The following GIMAP8 variants were observed in gnomAD, a reference collection of about 807,000 sequenced individuals.
GIMAP8 encodes the protein GTPase IMAP family member 8.
GIMAP8 carries 29 observed loss-of-function variants against 35.6 expected under a neutral mutation model. The observed-to-expected ratio is 0.81, with a 90% CI of 0.61 to 1.11. The LOEUF (loss-of-function observed/expected upper bound fraction) is 1.11, where lower values mean the gene tolerates loss of function less well. Ranked by LOEUF, GIMAP8 falls within the 50% of genes most tolerant of loss-of-function variation. The pLI, the probability that GIMAP8 is intolerant of heterozygous loss-of-function variation, is 0.00. For synonymous variants in GIMAP8, 335 were observed against 308.7 expected (o/e 1.09, Z -0.89); for missense variants, 811 against 805.0 (o/e 1.01, Z -0.09).
At chr7:150,475,417 C>T (rs921064455) in intron 4 of GIMAP8, among the ~76,000 whole-genome samples, 12 of 152,148 alleles carry the variant, frequency 7.9e-5, no homozygotes, top group African/African-American at 1.7e-4. Flanking sequence ...TCTCTTGAAC[C>T]GGTCTTTAAT....
intron 3 of GIMAP8, among the ~76,000 whole-genome samples, chr7:150,473,683 T>C (rs56693569): frequency 0.27 from 40,065 of 151,114 alleles, 6,113 homozygotes; most frequent in East Asian, 0.41. Flanking sequence ...GGCTTACCTT[T>C]GGTACGTACT....
chr7:150,477,491 T>C lies in GIMAP8; in HGVS notation c.1709T>C (p.Leu570Pro). 1 of 1,614,188 alleles carries C rather than the reference T, an allele frequency of 6.2e-7. No homozygotes were observed. Among genetic ancestry groups the C allele is most frequent in the Non-Finnish European group, 8.5e-7 (1 of 1,180,040 alleles). The change falls in exon 5 of 5, where the codon CTA (leucine) becomes CCA (proline). Residue 570 changes from leucine to proline, a missense_variant. Leu to Pro is a moderately conservative substitution (Grantham distance 98). Coordinates refer to ENST00000307271, the MANE Select transcript of GIMAP8 (RefSeq NM_175571.4). ...ATGCTGTTCACCCGGAAGGAAGACCTAGGGGCGGGGAATTTGGAAGACTTC... is the reference window on the plus strand; with the variant it reads ...ATGCTGTTCACCCGGAAGGAAGACCCAGGGGCGGGGAATTTGGAAGACTTC... The part of the protein sequence containing the change: ...AIMLFTRKED[L>P]GAGNLEDFMK...
rs150230235 is a variant in GIMAP8, at chr7:150,477,186, C to G, written c.1404C>G (p.Leu468=). 4.9e-4 allele frequency: 791 copies of G among 1,614,106 alleles called. 9 individuals are homozygous for G. In the African/African-American group the frequency reaches 9.2e-3, roughly 19 times the overall value. ...ILGSLVFTSR[L]RAQPVTKTSQ... is the part of the protein sequence containing the mutation. Reference sequence around the variant, plus strand: ...GGAGCCTCGTCTTCACCTCTCGGCTCCGGGCCCAGCCAGTCACCAAGACCA... The same window carrying G: ...GGAGCCTCGTCTTCACCTCTCGGCTGCGGGCCCAGCCAGTCACCAAGACCA... Residue 468 remains leucine (L), a synonymous_variant, in exon 5 of 5, where the codon CTC becomes CTG. Transcript: ENST00000307271.
intron 1 of GIMAP8, among the ~76,000 whole-genome samples, chr7:150,464,971 T>C (rs1441038252): frequency 6.6e-6 from 1 of 152,228 alleles, no homozygotes; most frequent in Non-Finnish European, 1.5e-5. Flanking sequence ...GGTACCAATC[T>C]GTCCCAGTGA....
At chr7:150,455,613 C>A (rs1260596161) in intron 1 of GIMAP8, among the ~76,000 whole-genome samples, 1 of 152,116 alleles carries the variant, frequency 6.6e-6, no homozygotes, top group Non-Finnish European at 1.5e-5. Context: ...CATGTGGGAT[C>A]ATTTAGGAAT....
chr7:150,470,094 C>T (rs927385554), intron 2 of GIMAP8, among the ~76,000 whole-genome samples: 3 of 152,182 alleles, frequency 2.0e-5, no homozygotes, highest in African/African-American at 7.2e-5. Flanking sequence ...ACATTTACCT[C>T]ATAACAATCT....
At chr7:150,455,198 A>G (rs1022843335) in intron 1 of GIMAP8, among the ~76,000 whole-genome samples, 1 of 146,410 alleles carries the variant, frequency 6.8e-6, no homozygotes, top group African/African-American at 2.5e-5. Flanking sequence ...ATGGAGGAAA[A>G]AACAACAAAA....
intron 2 of GIMAP8, 54 bp from the exon 3 acceptor site, chr7:150,470,775 G>GTTTTT: frequency 3.3e-6 from 1 of 305,990 alleles, no homozygotes; most frequent in South Asian, 4.0e-5. Context: ...TTTTCAGTTT[G>GTTTTT]TGGAAGATGA....
At chr7:150,475,784 G>A (rs528213829) in intron 4 of GIMAP8, among the ~76,000 whole-genome samples, 6 of 152,326 alleles carry the variant, frequency 3.9e-5, no homozygotes, top group African/African-American at 1.2e-4. Context: ...TTTGAAACAG[G>A]TTTTAGAGAA....
In GIMAP8 at chr7:150,477,910, C is replaced by T. The variant is rs1399758099; in HGVS notation, c.*130C>T. 11 of 666,600 alleles carry T rather than the reference C, an allele frequency of 1.7e-5. No individual in the cohort carries two copies. Among genetic ancestry groups the T allele is most frequent in the East Asian group, 2.7e-5 (1 of 36,758 alleles). 41.3% of individuals were successfully genotyped at this position (666,600 alleles called of 1,614,324 possible). A position where few individuals can be genotyped will look rare whatever the true frequency, so the allele number is the denominator to read the frequency against. ...GAGGGCCTGAGAGGCAAATGCATCC[C>T]GCCTTGTGATGTATCAGCTATTTGT... On this transcript the variant is annotated 3_prime_UTR_variant, in exon 5 of 5. Transcript: ENST00000307271.
At chr7:150,470,792 A>G in intron 2 of GIMAP8, 37 bp from the exon 3 acceptor site, 4 of 479,080 alleles carry the variant, frequency 8.3e-6, no homozygotes, top group East Asian at 6.1e-5. Context: ...ATGAGGTTTT[A>G]GATCTGTGTG....
intron 1 of GIMAP8, among the ~76,000 whole-genome samples, chr7:150,457,936 C>T (rs1801765791): frequency 6.6e-6 from 1 of 152,218 alleles, no homozygotes; most frequent in Non-Finnish European, 1.5e-5. Context: ...GCACTGCCTT[C>T]CCTGCTCCTT....
At chr7:150,463,036 GT>G (rs1189086537) in intron 1 of GIMAP8, among the ~76,000 whole-genome samples, 11 of 151,562 alleles carry the variant, frequency 7.3e-5, no homozygotes, top group East Asian at 1.9e-4. Flanking sequence ...TCTTAAAAAA[GT>G]TTTTTTTATC....
intron 1 of GIMAP8, among the ~76,000 whole-genome samples, chr7:150,463,598 G>T (rs1265370937): frequency 2.0e-5 from 3 of 152,120 alleles, no homozygotes; most frequent in Admixed American, 2.0e-4. Context: ...TGATTTCTTT[G>T]GCTGTAATCA....
In GIMAP8 at chr7:150,477,962, A is replaced by G. The variant is rs1233265052; in HGVS notation, c.*182A>G. ...GATAAATAAATTGCAGGTGGGGGCG[A>G]ATAGTAGGGTATTATAAAGGAGAAA... On this transcript the variant is annotated 3_prime_UTR_variant, in exon 5 of 5. Transcript: ENST00000307271. The G allele has an allele frequency of 1.7e-6, 1 of 592,004 alleles. No individual in the cohort carries two copies. The highest frequency in any genetic ancestry group is 2.8e-5 in the East Asian group (1 of 36,102). 36.7% of individuals were successfully genotyped at this position (592,004 alleles called of 1,614,324 possible). A position where few individuals can be genotyped will look rare whatever the true frequency, so the allele number is the denominator to read the frequency against.
At chr7:150,470,921 G>A in intron 3 of GIMAP8, 47 bp downstream of exon 3, 2 of 1,338,210 alleles carry the variant, frequency 1.5e-6, no homozygotes, top group Non-Finnish European at 2.1e-6. Context: ...GTATTCTTTT[G>A]AATGCATTCT....
Position 150,472,083 on chromosome 7 carries a change from C to T in GIMAP8, c.682+1209C>T, listed in dbSNP as rs1802106099. On this transcript the variant is annotated intron_variant, in intron 3 of 4. Coordinates refer to ENST00000307271, the MANE Select transcript of GIMAP8 (RefSeq NM_175571.4). This position sits in a 1 kb window ranked among gnomAD's most constrained non-coding sequence, Gnocchi z 4.1. ...CTGGCAATGCCCTTTGGCCGAGACC[C>T]CAGGAACACACGTGTGACTGAACAA... Among the ~76,000 whole-genome samples, 1 of 152,086 alleles carries T rather than the reference C, an allele frequency of 6.6e-6. No homozygotes were observed. Among genetic ancestry groups the T allele is most frequent in the African/African-American group, 2.4e-5 (1 of 41,410 alleles).
At position 150,474,300 on chromosome 7, in the gene GIMAP8, C is replaced by T. The variant is rs543087346; in HGVS notation, c.971C>T (p.Pro324Leu). The change falls in exon 4 of 5, where the codon CCC (proline) becomes CTC (leucine). Residue 324 changes from proline (P) to leucine (L), a missense_variant. Physicochemically the swap from Pro to Leu is moderately conservative, Grantham distance 98 (BLOSUM62 -3). Transcript: ENST00000307271. ...GTTAGAAAACACATCTGTACAGGCC[C>T]CCATGCCTTCCTGCTGGTGACACCA... Reference protein sequence around the residue: ...SEVRKHICTGPHAFLLVTPLG... With the variant: ...SEVRKHICTGLHAFLLVTPLG... 5.5e-5 allele frequency: 89 copies of T among 1,613,994 alleles called. 1 individual carries two copies. In the South Asian group the frequency reaches 8.6e-4, roughly 16 times the overall value.
rs984886545 is a variant in GIMAP8 at position 150,472,963 on chromosome 7, G to GTT, written c.683-1047_683-1046dup. On this transcript the variant is annotated intron_variant, in intron 3 of 4. Transcript: ENST00000307271. The surrounding 1 kb of genome is among the most constrained non-coding windows in gnomAD (Gnocchi z 4.1). ...AGGTCCTAAGGGCTTTACAGGTGCT[G>GTT]TTTCCTTTAGTCTTTTCAACCTCAA... is the stretch of plus-strand genomic sequence containing the variant. Among the ~76,000 whole-genome samples, 2 of 152,198 alleles carry GTT rather than the reference G, an allele frequency of 1.3e-5. No individual in the cohort carries two copies. The highest frequency in any genetic ancestry group is 2.9e-5 in the Non-Finnish European group (2 of 68,038).
Sources: allele counts gnomAD v4.1 joint callset (sites outside exome capture counted in the v4.1 genomes callset), GRCh38; gene constraint gnomAD v4.1.1; non-coding constraint Gnocchi (gnomAD v3.1); transcripts MANE v1.5; gene names NCBI Gene and HGNC (gene_info 2026-07-23, HGNC 2026-07-21).